MTX2: variants seen among roughly 807,000 people sequenced by gnomAD.
MTX2 encodes metaxin 2.
MTX2 carries 35 observed loss-of-function variants against 42.3 expected under a neutral mutation model. The observed-to-expected ratio is 0.83, with a 90% CI of 0.63 to 1.10. The LOEUF is 1.10. MTX2 is among the 50% of genes least tolerant of loss of function. The pLI is 0.00. For synonymous variants in MTX2, 119 were observed against 100.9 expected (o/e 1.18, Z -1.08); for missense variants, 307 against 304.1 (o/e 1.01, Z -0.07).
In MTX2 at chr2:176,328,495, A is replaced by G. The variant is rs976214035; in HGVS notation, c.378+110A>G. 1.2e-5 allele frequency: 8 copies of G among 693,574 alleles called. No homozygotes were observed. The African/African-American group carries it at 1.5e-4, about 13-fold the overall frequency. 43.0% of individuals were successfully genotyped at this position (693,574 alleles called of 1,614,324 possible). On this transcript the variant is annotated intron_variant, in intron 6 of 9. Transcript: ENST00000249442. ...TGAGAAATGGGAAAATAGTCAAGTAATTCTAGAGTTGAGTTGGCTACCTAA... is the reference window on the plus strand; with the variant it reads ...TGAGAAATGGGAAAATAGTCAAGTAGTTCTAGAGTTGAGTTGGCTACCTAA...
At position 176,337,904 on chromosome 2, in the gene MTX2, A is replaced by G. The variant is rs113992329; in HGVS notation, c.*240A>G. ...AAATTTTTGTTTCCTTGAAACATGC[A>G]TGCATTTAAAAATAAAGCTTAAACA... On this transcript the variant is annotated 3_prime_UTR_variant, in exon 10 of 10. Coordinates refer to ENST00000249442, the MANE Select transcript of MTX2 (RefSeq NM_006554.5). The G allele has an allele frequency of 7.6e-3, 2,175 of 285,106 alleles. 42 individuals are homozygous for G. Among genetic ancestry groups the G allele is most frequent in the African/African-American group, 0.044 (2,009 of 45,982 alleles). The allele number at this position is 285,106 out of a possible 1,614,324, so 17.7% of individuals were successfully genotyped here. A position where few individuals can be genotyped will look rare whatever the true frequency, so the allele number is the denominator to read the frequency against.
intron 1 of MTX2, among the ~76,000 whole-genome samples, chr2:176,290,457 G>A (rs1205394821): frequency 1.3e-5 from 2 of 152,084 alleles, no homozygotes; most frequent in Non-Finnish European, 2.9e-5. Flanking sequence ...TAATTAGAAC[G>A]GCATTCTCCA....
intron 1 of MTX2, among the ~76,000 whole-genome samples, chr2:176,291,972 G>GT (rs1194563457): frequency 6.6e-6 from 1 of 152,160 alleles, no homozygotes; most frequent in Non-Finnish European, 1.5e-5. Flanking sequence ...GTAGAGCCCT[G>GT]TAGGCCATGT....
chr2:176,336,718 G>A (rs1360950043), intron 9 of MTX2, among the ~76,000 whole-genome samples: 1 of 152,042 alleles, frequency 6.6e-6, no homozygotes, highest in Non-Finnish European at 1.5e-5. Context: ...ACTAAAGAAA[G>A]CAAGTCACAC....
intron 3 of MTX2, among the ~76,000 whole-genome samples, chr2:176,301,499 C>T (rs968480812): frequency 6.6e-6 from 1 of 152,076 alleles, no homozygotes; most frequent in African/African-American, 2.4e-5. Context: ...CACACAGCTA[C>T]CCTATGAGGT....
At chr2:176,278,070 A>C in intron 1 of MTX2, among the ~76,000 whole-genome samples, 1 of 49,214 alleles carries the variant, frequency 2.0e-5, no homozygotes, top group East Asian at 8.6e-4. Flanking sequence ...TTTTTTTTTG[A>C]GATGGAGTCT....
At chr2:176,308,259 A>C (rs573058154) in intron 3 of MTX2, among the ~76,000 whole-genome samples, 1 of 152,288 alleles carries the variant, frequency 6.6e-6, no homozygotes, top group South Asian at 2.1e-4. Flanking sequence ...CGACTTGATC[A>C]TGATGGATAA....
intron 9 of MTX2, among the ~76,000 whole-genome samples, chr2:176,337,260 G>A (rs536054436): frequency 1.3e-5 from 2 of 151,988 alleles, no homozygotes; most frequent in African/African-American, 4.8e-5. Context: ...CAGGCTGGTT[G>A]TGAATTCCTG....
intron 3 of MTX2, among the ~76,000 whole-genome samples, chr2:176,300,261 A>T (rs542820311): frequency 6.6e-6 from 1 of 152,214 alleles, no homozygotes; most frequent in African/African-American, 2.4e-5. Context: ...GTTACCCCCA[A>T]ATCCAAACCA....
At chr2:176,305,723 G>A (rs191279624) in intron 3 of MTX2, among the ~76,000 whole-genome samples, 73 of 152,192 alleles carry the variant, frequency 4.8e-4, no homozygotes, top group African/African-American at 1.7e-3. Context: ...AGATGTTGAT[G>A]TATCTAAAAT....
In MTX2 at chr2:176,301,515, C is replaced by G; in HGVS notation, c.135+3620C>G. Among the ~76,000 whole-genome samples, 2 of 152,042 alleles carry G rather than the reference C, an allele frequency of 1.3e-5. 1 individual carries two copies. Among genetic ancestry groups the G allele is most frequent in the Non-Finnish European group, 2.9e-5 (2 of 68,010 alleles). On this transcript the variant is annotated intron_variant, in intron 3 of 9. Transcript: ENST00000249442. The stretch of plus-strand genomic sequence containing the variant: ...ACACAGCTACCCTATGAGGTAGGTA[C>G]TATTATTATTCCTATTTTCCTACAG...
chr2:176,272,620 A>C (rs976734659), intron 1 of MTX2, among the ~76,000 whole-genome samples: 1 of 152,180 alleles, frequency 6.6e-6, no homozygotes, highest in African/African-American at 2.4e-5. Context: ...TATCTGTTAA[A>C]TACGTTGTCT....
At chr2:176,295,947 G>A (rs1195431847) in intron 1 of MTX2, among the ~76,000 whole-genome samples, 1 of 152,134 alleles carries the variant, frequency 6.6e-6, no homozygotes, top group Non-Finnish European at 1.5e-5. Flanking sequence ...AGCAAATGTA[G>A]TTATGTTATT....
At chr2:176,273,905 A>T (rs1575028936) in intron 1 of MTX2, among the ~76,000 whole-genome samples, 2 of 138,504 alleles carry the variant, frequency 1.4e-5, no homozygotes, top group African/African-American at 2.6e-5. Flanking sequence ...TTTTATTTTA[A>T]TTTTCCTTAA....
intron 1 of MTX2, among the ~76,000 whole-genome samples, chr2:176,294,869 A>G (rs1683818369): frequency 6.6e-6 from 1 of 152,170 alleles, no homozygotes; most frequent in African/African-American, 2.4e-5. Context: ...ATACTTTTGC[A>G]CCAACCTAAT....
chr2:176,311,189 G>T (rs1472697044), intron 3 of MTX2, among the ~76,000 whole-genome samples: 1 of 152,114 alleles, frequency 6.6e-6, no homozygotes, highest in Admixed American at 6.5e-5. Context: ...TTTGCTGGAG[G>T]TCCACTCCAG....
In MTX2 at chr2:176,323,426, T is replaced by C; in HGVS notation, c.170T>C (p.Val57Ala). Residue 57 changes from valine to alanine, a missense_variant, in exon 4 of 10, where the codon GTA (valine) becomes GCA (alanine). Coordinates refer to ENST00000249442, the MANE Select transcript of MTX2 (RefSeq NM_006554.5). Reference protein sequence around the residue: ...FLQMCNLPIKVVCRANAEYMS... With the variant: ...FLQMCNLPIKAVCRANAEYMS... ...CAAATGTGTAACTTGCCTATCAAAG[T>C]AGTTTGTAGGGCAAATGCAGAATAT... is the stretch of plus-strand genomic sequence containing the variant. The C allele has an allele frequency of 6.2e-7, 1 of 1,611,452 alleles. No homozygotes were observed. The highest frequency in any genetic ancestry group is 8.5e-7 in the Non-Finnish European group (1 of 1,178,294).
intron 3 of MTX2, among the ~76,000 whole-genome samples, chr2:176,308,296 C>T (rs540571320): frequency 4.9e-4 from 74 of 152,126 alleles, no homozygotes; most frequent in African/African-American, 1.7e-3. Flanking sequence ...TTGCTGGATT[C>T]GGTTTGCTAA....
intron 4 of MTX2, among the ~76,000 whole-genome samples, chr2:176,324,322 G>A (rs1242728296): frequency 1.3e-5 from 2 of 151,254 alleles, no homozygotes; most frequent in African/African-American, 2.4e-5. Context: ...GGTAGAAATT[G>A]TTAAAAGGTA....
Sources: gnomAD v4.1 joint callset for allele counts (sites outside exome capture counted in the v4.1 genomes callset) on GRCh38, gnomAD v4.1.1 for gene constraint, MANE v1.5 for transcripts, NCBI Gene and HGNC (gene_info 2026-07-23, HGNC 2026-07-21) for gene names.